Variants in RNF130 observed in about 807,000 individuals in gnomAD.
The protein encoded by RNF130 is ring finger protein 130.
Under a neutral mutation model 44.6 loss-of-function variants are expected in RNF130, and 21 were observed. The ratio of observed to expected loss-of-function variants is 0.47; its 90% CI spans 0.33 to 0.68. The LOEUF is 0.68. Ranked by LOEUF, RNF130 falls within the 30% of genes least tolerant of loss-of-function variation. The pLI, the probability that RNF130 is intolerant of heterozygous loss-of-function variation, is 0.02. For missense variants in RNF130, 479 were observed against 560.6 expected (o/e 0.85, Z 1.47); for synonymous variants, 214 against 210.4 (o/e 1.02, Z -0.15).
At chr5:179,960,771 T>G (rs1561670020) in intron 8 of RNF130, among the ~76,000 whole-genome samples, 1 of 151,926 alleles carries the variant, frequency 6.6e-6, no homozygotes, top group Non-Finnish European at 1.5e-5. Context: ...TGCCAAGAGA[T>G]GAAATCTATT....
At chr5:180,034,914 T>G (rs889836003) in intron 2 of RNF130, among the ~76,000 whole-genome samples, 1 of 152,362 alleles carries the variant, frequency 6.6e-6, no homozygotes, top group South Asian at 2.1e-4. Context: ...TGTCCTTTTT[T>G]AGTTGTGATT....
intron 7 of RNF130, among the ~76,000 whole-genome samples, chr5:179,937,935 A>T (rs7705292): frequency 0.18 from 10,048 of 55,700 alleles, 494 homozygotes; most frequent in African/African-American, 0.36. Context: ...TGTGTGTGTG[A>T]GAGAGAGAGA....
chr5:179,944,093 T>A (rs1037765121), intron 7 of RNF130, among the ~76,000 whole-genome samples: 4 of 151,782 alleles, frequency 2.6e-5, no homozygotes, highest in African/African-American at 9.7e-5. Context: ...TGCCTCAGCC[T>A]CCCGAGTAGC....
intron 7 of RNF130, among the ~76,000 whole-genome samples, chr5:179,936,899 A>G (rs1186394440): frequency 2.0e-5 from 3 of 152,214 alleles, no homozygotes; most frequent in African/African-American, 7.2e-5. Context: ...AAAACTGGAT[A>G]TCCACATGCA....
At chr5:179,943,493 C>T (rs1761992836) in intron 7 of RNF130, among the ~76,000 whole-genome samples, 1 of 152,146 alleles carries the variant, frequency 6.6e-6, no homozygotes, top group South Asian at 2.1e-4. Flanking sequence ...GCCATGTGCA[C>T]TTATTACTTA....
intron 2 of RNF130, among the ~76,000 whole-genome samples, chr5:180,037,644 G>C (rs774584352): frequency 2.6e-5 from 4 of 152,144 alleles, no homozygotes; most frequent in Admixed American, 2.6e-4. Flanking sequence ...ATCAGAATTT[G>C]CATTTTAACA....
intron 2 of RNF130, among the ~76,000 whole-genome samples, chr5:180,014,183 A>G (rs1456072427): frequency 6.6e-6 from 1 of 152,240 alleles, no homozygotes; most frequent in Non-Finnish European, 1.5e-5. Context: ...ATAGTTACCT[A>G]GACCTTTCCC....
At position 180,040,460 on chromosome 5, in the gene RNF130, A is replaced by T. The variant is rs1428877037; in HGVS notation, c.435T>A (p.Thr145=). 1.9e-6 allele frequency: 3 copies of T among 1,610,132 alleles called. No individual in the cohort carries two copies. In the African/African-American group the frequency reaches 4.0e-5, roughly 22 times the overall value. Residue 145 remains threonine (T), a synonymous_variant, in exon 2 of 9, where the codon ACT becomes ACA. Transcript: ENST00000521389. ...NKSKEEPVTM[T]HPGTGDIIAV... Reference sequence around the variant, plus strand: ...ACCCTCATTTTTGTTTACCTGGATGAGTCATGGTAACTGGCTCCTCTTTGG... The same window carrying T: ...ACCCTCATTTTTGTTTACCTGGATGTGTCATGGTAACTGGCTCCTCTTTGG...
chr5:179,988,396 T>C (rs1214114877), intron 3 of RNF130, among the ~76,000 whole-genome samples: 2 of 152,240 alleles, frequency 1.3e-5, no homozygotes, highest in Non-Finnish European at 2.9e-5. Flanking sequence ...CTCTGTTTCA[T>C]TTAGTTCTAT....
intron 7 of RNF130, among the ~76,000 whole-genome samples, chr5:179,929,907 C>G (rs1308626269): frequency 1.3e-5 from 2 of 152,146 alleles, no homozygotes; most frequent in African/African-American, 4.8e-5. Flanking sequence ...GTTATATTCA[C>G]TTAGGTCATC....
In RNF130 at chr5:180,071,695, C is replaced by T; in HGVS notation, c.8G>A (p.Cys3Tyr). ...CCGGGCAGGGCCCGCCCGCCCCGCG[C>T]AGCTCATCGTCCCTCCGGCAGCCGC... is the stretch of plus-strand genomic sequence containing the variant. MS[C>Y]AGRAGPARLA... The change falls in exon 1 of 9, where the codon TGC becomes TAC. Residue 3 changes from cysteine to tyrosine, a missense_variant. Cys to Tyr is a radical substitution (Grantham distance 194). Coordinates refer to ENST00000521389, the MANE Select transcript of RNF130 (RefSeq NM_018434.6). 7.3e-7 allele frequency: 1 copy of T among 1,374,526 alleles called. No individual in the cohort carries two copies. Among genetic ancestry groups the T allele is most frequent in the Non-Finnish European group, 9.4e-7 (1 of 1,059,456 alleles). 85.1% of individuals were successfully genotyped at this position (1,374,526 alleles called of 1,614,324 possible).
At chr5:179,929,026 G>T (rs1259283504) in intron 7 of RNF130, among the ~76,000 whole-genome samples, 1 of 152,138 alleles carries the variant, frequency 6.6e-6, no homozygotes, top group East Asian at 1.9e-4. Context: ...CAGTCCAGTT[G>T]AAGAAGTCTT....
At chr5:179,968,167 T>C (rs891672008) in intron 6 of RNF130, among the ~76,000 whole-genome samples, 5 of 151,790 alleles carry the variant, frequency 3.3e-5, no homozygotes, top group Non-Finnish European at 7.4e-5. Flanking sequence ...TGGTGGCGGG[T>C]GCCTGTACTC....
Position 180,034,258 on chromosome 5 carries a change from A to G in RNF130, c.442+6195T>C, listed in dbSNP as rs530720626. Among the ~76,000 whole-genome samples, 10 of 151,546 alleles carry G rather than the reference A, an allele frequency of 6.6e-5. No homozygotes were observed. In the East Asian group the frequency reaches 1.9e-3, roughly 29 times the overall value. On this transcript the variant is annotated intron_variant, in intron 2 of 8. Transcript: ENST00000521389. The stretch of plus-strand genomic sequence containing the variant: ...GGGTAATGAATCTAATCCATTTTAT[A>G]TATTACTAGATTCTATTTGCTAATA...
At chr5:179,933,798 T>C in intron 7 of RNF130, 1 of 646,908 alleles carries the variant, frequency 1.5e-6, no homozygotes, top group South Asian at 1.5e-5. Flanking sequence ...AAGTATGTAT[T>C]ACATCACTAG....
chr5:179,932,019 G>T (rs973456397), intron 7 of RNF130, among the ~76,000 whole-genome samples: 1 of 152,046 alleles, frequency 6.6e-6, no homozygotes, highest in Non-Finnish European at 1.5e-5. Context: ...TTTATTATTT[G>T]CAGCCTTTAA....
At chr5:180,064,916 A>C (rs1405246516) in intron 1 of RNF130, among the ~76,000 whole-genome samples, 1 of 33,746 alleles carries the variant, frequency 3.0e-5, no homozygotes, top group Non-Finnish European at 5.4e-5. Context: ...CTGAACTAGG[A>C]TTCCACTTAC....
chr5:179,980,045 CAATT>C, intron 4 of RNF130, 80 bp downstream of exon 4: 1 of 1,098,962 alleles, frequency 9.1e-7, no homozygotes. Context: ...GAAATGTAAA[CAATT>C]AGGGTGTGTC....
intron 7 of RNF130, among the ~76,000 whole-genome samples, chr5:179,950,010 G>A (rs1762101487): frequency 6.6e-6 from 1 of 152,110 alleles, no homozygotes. Context: ...TGTTTTCCTG[G>A]GTGGCCATCC....
Sources: allele counts gnomAD v4.1 joint callset (sites outside exome capture counted in the v4.1 genomes callset), GRCh38; gene constraint gnomAD v4.1.1; transcripts MANE v1.5; gene names NCBI Gene and HGNC (gene_info 2026-07-23, HGNC 2026-07-21).